The following SLC5A11 variants were observed in gnomAD, a reference collection of about 807,000 sequenced individuals.
SLC5A11 encodes sodium/myo-inositol cotransporter 2.
In SLC5A11, 48 loss-of-function variants were observed where a neutral mutation model predicts 69.8. The observed-to-expected ratio is 0.69, with a 90% CI of 0.55 to 0.87. The LOEUF is 0.87. Among genes scored for constraint, SLC5A11 ranks in the 40% least tolerant of loss-of-function variants. The pLI is 0.00. For missense variants in SLC5A11, 784 were observed against 866.1 expected (o/e 0.91, Z 1.19); for synonymous variants, 319 against 342.4 (o/e 0.93, Z 0.75).
chr16:24,860,088 C>T (rs907237260), intron 2 of SLC5A11, among the ~76,000 whole-genome samples: 6 of 152,146 alleles, frequency 3.9e-5, no homozygotes, highest in African/African-American at 9.7e-5. Flanking sequence ...GAGTTTGAGA[C>T]GAGCCTGGCC....
chr16:24,860,235 C>T (rs2059706374), intron 2 of SLC5A11, among the ~76,000 whole-genome samples: 1 of 151,924 alleles, frequency 6.6e-6, no homozygotes, highest in Admixed American at 6.6e-5. Context: ...TGCAGTGAGC[C>T]GAGATCGTGC....
At chr16:24,874,552 T>G (rs998956144) in intron 5 of SLC5A11, among the ~76,000 whole-genome samples, 1 of 152,162 alleles carries the variant, frequency 6.6e-6, no homozygotes, top group Non-Finnish European at 1.5e-5. Context: ...TGTAGTGATA[T>G]CTCACTGCTT....
intron 2 of SLC5A11, chr16:24,859,096 G>A (rs570308249): frequency 1.1e-4 from 21 of 196,208 alleles, no homozygotes; most frequent in African/African-American, 4.9e-4. Flanking sequence ...CATCCTGTAA[G>A]TTAGGAGAGT....
At chr16:24,883,957 C>T in intron 7 of SLC5A11, 94 bp from the exon 9 acceptor site, 1 of 1,122,570 alleles carries the variant, frequency 8.9e-7, no homozygotes, top group Admixed American at 1.9e-5. Context: ...AGAAATCTCC[C>T]ATCGGGTCCT....
chr16:24,874,241 G>A (rs185795725), intron 5 of SLC5A11, among the ~76,000 whole-genome samples: 10 of 152,288 alleles, frequency 6.6e-5, no homozygotes, highest in African/African-American at 9.6e-5. Flanking sequence ...GTGCATGGGC[G>A]TTTAAGTTGC....
At chr16:24,866,909 A>G (rs1205923640) in intron 3 of SLC5A11, among the ~76,000 whole-genome samples, 2 of 152,186 alleles carry the variant, frequency 1.3e-5, no homozygotes, top group African/African-American at 4.8e-5. Context: ...ATGAAGGGAG[A>G]AATAGACAAT....
intron 7 of SLC5A11, among the ~76,000 whole-genome samples, chr16:24,882,501 C>T (rs952740532): frequency 1.3e-5 from 2 of 152,068 alleles, no homozygotes; most frequent in African/African-American, 4.8e-5. Flanking sequence ...GTGACTGTGC[C>T]CTCTAGTAGA....
intron 3 of SLC5A11, among the ~76,000 whole-genome samples, chr16:24,868,287 CAA>C (rs374049168): frequency 7.0e-5 from 9 of 129,092 alleles, no homozygotes; most frequent in Admixed American, 1.6e-4. Flanking sequence ...CAGATTCTTC[CAA>C]AAAAAAAAAA....
Position 24,854,431 on chromosome 16 carries a change from T to TA in SLC5A11, c.-24-4189_-24-4188insA, listed in dbSNP as rs202081925. Among the ~76,000 whole-genome samples the TA allele has an allele frequency of 2.3e-3, 287 of 124,514 alleles. 1 individual carries two copies. Among genetic ancestry groups the TA allele is most frequent in the African/African-American group, 8.6e-3 (191 of 22,106 alleles). The allele number at this position is 124,514 out of a possible 152,430, so 81.7% of individuals were successfully genotyped here. On this transcript the variant is annotated intron_variant, in intron 1 of 15. Coordinates refer to ENST00000347898, the Ensembl canonical transcript of SLC5A11. ...CCATCACTCCCCCTGTAAAGTAAAG[T>TA]TTTTTTTTTTTTTCCGGAGACAGAG...
intron 9 of SLC5A11, among the ~76,000 whole-genome samples, chr16:24,895,692 G>C (rs377721931): frequency 6.6e-6 from 1 of 152,232 alleles, no homozygotes; most frequent in African/African-American, 2.4e-5. Context: ...TGAATGTGCT[G>C]TGTCCAGTGG....
exon 14 of SLC5A11, chr16:24,908,912 T>C (rs1303088606): frequency 6.2e-7 from 1 of 1,613,890 alleles, no homozygotes; most frequent in Non-Finnish European, 8.5e-7. Flanking sequence ...TCGGGCCTGC[T>C]CCTGGGCTTG....
intron 10 of SLC5A11, among the ~76,000 whole-genome samples, chr16:24,898,820 T>C (rs970928055): frequency 1.4e-5 from 2 of 146,208 alleles, no homozygotes; most frequent in Non-Finnish European, 3.0e-5. Context: ...GCCTGGCCTT[T>C]TTTGCATTTT....
At chr16:24,860,437 C>T (rs1397651227) in intron 2 of SLC5A11, among the ~76,000 whole-genome samples, 1 of 152,098 alleles carries the variant, frequency 6.6e-6, no homozygotes, top group African/African-American at 2.4e-5. Flanking sequence ...GCTTGAGCAA[C>T]AAGAGTGAAA....
chr16:24,896,901 G>A (rs1204267908), intron 9 of SLC5A11, among the ~76,000 whole-genome samples: 1 of 149,814 alleles, frequency 6.7e-6, no homozygotes, highest in Non-Finnish European at 1.5e-5. Context: ...TTCACAGTTA[G>A]GAATTGCGAA....
intron 10 of SLC5A11, among the ~76,000 whole-genome samples, chr16:24,899,406 T>C (rs1438576352): frequency 6.6e-6 from 1 of 152,102 alleles, no homozygotes; most frequent in Non-Finnish European, 1.5e-5. Context: ...TGAAATCCTT[T>C]TTGGATTTTT....
intron 8 of SLC5A11, among the ~76,000 whole-genome samples, chr16:24,888,478 C>CTTTTTTTTTTTT (rs891552223): frequency 2.5e-5 from 2 of 81,412 alleles, no homozygotes; most frequent in Non-Finnish European, 4.4e-5. Flanking sequence ...GTATCTATTT[C>CTTTTTTTTTTTT]TTTTTTTTTT....
rs540466069 is a variant in SLC5A11, at chr16:24,905,462, A to C, written c.1007-1195A>C. On this transcript the variant is annotated intron_variant, in intron 10 of 15. Transcript: ENST00000347898. ...ATCTCAAGAAAAAATAAAAATAAAA[A>C]TAAAAAAATTAATTAAAGAAAAAGA... is the stretch of plus-strand genomic sequence containing the variant. 6.6e-5 allele frequency among the ~76,000 whole-genome samples: 10 copies of C among 151,680 alleles called. No individual in the cohort carries two copies. The South Asian group carries it at 1.9e-3, about 29-fold the overall frequency.
intron 3 of SLC5A11, among the ~76,000 whole-genome samples, chr16:24,867,772 G>T (rs1436030429): frequency 6.6e-6 from 1 of 152,050 alleles, no homozygotes; most frequent in Non-Finnish European, 1.5e-5. Context: ...TACATGAAAT[G>T]AACAAATTCC....
At chr16:24,910,519 TG>T (rs758528145) in intron 15 of SLC5A11, 42 bp downstream of exon 16, 1 of 1,564,508 alleles carries the variant, frequency 6.4e-7, no homozygotes, top group Non-Finnish European at 8.6e-7. Flanking sequence ...AAGGAGTACG[TG>T]TTAAAGGGAT....
Sources: allele counts gnomAD v4.1 joint callset (sites outside exome capture counted in the v4.1 genomes callset), GRCh38; gene constraint gnomAD v4.1.1; transcripts MANE v1.5; gene names NCBI Gene and HGNC (gene_info 2026-07-23, HGNC 2026-07-21).